PTPRT: variants seen among roughly 807,000 people sequenced by gnomAD.
PTPRT encodes receptor-type tyrosine-protein phosphatase T.
A neutral mutation model predicts 176.8 loss-of-function variants in PTPRT; 56 were observed. That is an observed-to-expected ratio of 0.32 (90% confidence interval 0.26 to 0.40). The LOEUF is 0.40. PTPRT is among the 10% of genes least tolerant of loss of function. The pLI, the probability that PTPRT is intolerant of heterozygous loss-of-function variation, is 1.00. For synonymous variants in PTPRT, 783 were observed against 739.0 expected, an observed-to-expected ratio of 1.06 and a Z score of -0.96; for missense variants, 1,540 against 1,908.2, an observed-to-expected ratio of 0.81 and a Z score of 3.60.
intron 1 of PTPRT, among the ~76,000 whole-genome samples, chr20:43,109,424 C>G (rs1322559445): frequency 2.0e-5 from 3 of 152,178 alleles, no homozygotes; most frequent in Non-Finnish European, 4.4e-5. Context: ...AAAACCGGGC[C>G]TGATCTCGAC....
intron 1 of PTPRT, among the ~76,000 whole-genome samples, chr20:43,104,348 C>T (rs150628817): frequency 1.5e-3 from 227 of 152,154 alleles, no homozygotes; most frequent in Non-Finnish European, 2.5e-3. Context: ...CCAGCTACAA[C>T]ATCACCCCCT....
intron 7 of PTPRT, among the ~76,000 whole-genome samples, chr20:42,625,312 C>A (rs1030311095): frequency 7.9e-5 from 12 of 151,542 alleles, no homozygotes; most frequent in African/African-American, 2.9e-4. Flanking sequence ...TTTGCTAAGT[C>A]GTGTGTCAGA....
Position 43,019,845 on chromosome 20 carries a change from A to T in PTPRT, c.89-133913T>A, listed in dbSNP as rs372716555. ...AGCGTTTCTTCTCCTGCCCTTGAACATGAGAATTTCAGGTTCTCTAGCCTT... is the reference window on the plus strand; with the variant it reads ...AGCGTTTCTTCTCCTGCCCTTGAACTTGAGAATTTCAGGTTCTCTAGCCTT... On this transcript the variant is annotated intron_variant, in intron 1 of 30. Transcript: ENST00000373187. 1.6e-4 allele frequency among the ~76,000 whole-genome samples: 25 copies of T among 151,996 alleles called. No individual in the cohort carries two copies. The South Asian group carries it at 5.2e-3, about 32-fold the overall frequency.
intron 9 of PTPRT, among the ~76,000 whole-genome samples, chr20:42,409,307 CCT>C (rs2058990128): frequency 6.6e-6 from 1 of 151,368 alleles, no homozygotes; most frequent in Admixed American, 6.6e-5. Flanking sequence ...ACAGTGAAAC[CCT>C]GTCTCTACTA....
At chr20:42,582,538 C>T (rs929065539) in intron 7 of PTPRT, among the ~76,000 whole-genome samples, 1 of 152,182 alleles carries the variant, frequency 6.6e-6, no homozygotes, top group African/African-American at 2.4e-5. Context: ...GGGCCACTAT[C>T]CCTCACGTGG....
intron 12 of PTPRT, among the ~76,000 whole-genome samples, chr20:42,303,382 C>T (rs542959798): frequency 6.6e-5 from 10 of 152,170 alleles, no homozygotes; most frequent in East Asian, 1.9e-4. Context: ...CCATGTTTGG[C>T]GGGAGGAAAA....
intron 7 of PTPRT, among the ~76,000 whole-genome samples, chr20:42,551,700 G>A (rs1366938429): frequency 6.6e-6 from 1 of 152,006 alleles, no homozygotes; most frequent in Non-Finnish European, 1.5e-5. Context: ...TGAACTCTCT[G>A]AGAAAACCTG....
At chr20:42,068,139 C>T (rs1982155743), downstream of PTPRT, among the ~76,000 whole-genome samples, 1 of 152,130 alleles carries the variant, frequency 6.6e-6, no homozygotes, top group African/African-American at 2.4e-5. Context: ...TGTTAACTTC[C>T]CTGCATTTCT....
intron 6 of PTPRT, among the ~76,000 whole-genome samples, chr20:42,737,640 A>C (rs2076559346): frequency 6.6e-6 from 1 of 151,548 alleles, no homozygotes; most frequent in Non-Finnish European, 1.5e-5. Flanking sequence ...TCCAAAAAAA[A>C]AAAGGCATGA....
intron 1 of PTPRT, among the ~76,000 whole-genome samples, chr20:42,916,882 T>C (rs1248913386): frequency 2.0e-5 from 3 of 152,210 alleles, no homozygotes; most frequent in Admixed American, 6.5e-5. Context: ...GATGAGTAGG[T>C]TGCAAAAATT....
intron 9 of PTPRT, among the ~76,000 whole-genome samples, chr20:42,442,025 C>T (rs183005969): frequency 1.2e-4 from 18 of 152,302 alleles, no homozygotes; most frequent in Non-Finnish European, 1.9e-4. Flanking sequence ...CTCTGTGGAC[C>T]AGAGTCATGA....
Position 42,778,153 on chromosome 20 carries a change from G to A in PTPRT, c.568+2065C>T, listed in dbSNP as rs564475463. 2.6e-5 allele frequency among the ~76,000 whole-genome samples: 4 copies of A among 152,282 alleles called. No individual in the cohort carries two copies. The South Asian group carries it at 8.3e-4, about 32-fold the overall frequency. ...CCCAGTGAAACGAGAATTTCAAAAGGATTCATGAGACTTTGGGGGGTGGAA... is the reference window on the plus strand; with the variant it reads ...CCCAGTGAAACGAGAATTTCAAAAGAATTCATGAGACTTTGGGGGGTGGAA... On this transcript the variant is annotated intron_variant, in intron 4 of 30. Coordinates refer to ENST00000373187, the MANE Select transcript of PTPRT (RefSeq NM_007050.6).
At chr20:43,075,732 T>A (rs557699104) in intron 1 of PTPRT, among the ~76,000 whole-genome samples, 13 of 152,340 alleles carry the variant, frequency 8.5e-5, no homozygotes, top group African/African-American at 3.1e-4. Flanking sequence ...ATGGAAGAAC[T>A]AACAGCAAAT....
chr20:42,233,166 C>T (rs2056170926), intron 15 of PTPRT, among the ~76,000 whole-genome samples: 1 of 152,182 alleles, frequency 6.6e-6, no homozygotes, highest in South Asian at 2.1e-4. Context: ...TGCTTTCATC[C>T]ACCTGGCACT....
At chr20:42,665,336 G>GA (rs1467665217) in intron 7 of PTPRT, among the ~76,000 whole-genome samples, 1 of 152,100 alleles carries the variant, frequency 6.6e-6, no homozygotes, top group African/African-American at 2.4e-5. Flanking sequence ...CAAAAGATGT[G>GA]AAAAAATGCT....
At chr20:42,254,693 A>G (rs2056607257) in intron 13 of PTPRT, among the ~76,000 whole-genome samples, 1 of 152,206 alleles carries the variant, frequency 6.6e-6, no homozygotes, top group Non-Finnish European at 1.5e-5. Context: ...CTAAGGCTAA[A>G]GCCCAGACCC....
intron 6 of PTPRT, among the ~76,000 whole-genome samples, chr20:42,754,205 A>C (rs2076799357): frequency 6.6e-6 from 1 of 152,038 alleles, no homozygotes; most frequent in African/African-American, 2.4e-5. Flanking sequence ...TTTTTTTTTG[A>C]GATGGAGTCT....
intron 15 of PTPRT, among the ~76,000 whole-genome samples, chr20:42,210,482 T>C (rs112427183): frequency 1.3e-5 from 2 of 152,076 alleles, no homozygotes; most frequent in Non-Finnish European, 1.5e-5. Context: ...ACAAAAATCA[T>C]AAGCATTCTT....
intron 1 of PTPRT, among the ~76,000 whole-genome samples, chr20:43,161,890 T>C (rs2014710124): frequency 6.6e-6 from 1 of 152,180 alleles, no homozygotes; most frequent in Non-Finnish European, 1.5e-5. Context: ...AGATCGTGGC[T>C]ACATCACAAT....
Sources: allele counts gnomAD v4.1 joint callset (sites outside exome capture counted in the v4.1 genomes callset), GRCh38; gene constraint gnomAD v4.1.1; transcripts MANE v1.5; gene names NCBI Gene and HGNC (gene_info 2026-07-23, HGNC 2026-07-21).